USP7: variants seen among roughly 807,000 people sequenced by gnomAD.
USP7 encodes ubiquitin specific peptidase 7.
Under a neutral mutation model 162.9 loss-of-function variants are expected in USP7, and 9 were observed. The ratio of observed to expected loss-of-function variants is 0.06; its 90% CI spans 0.03 to 0.10. The LOEUF (loss-of-function observed/expected upper bound fraction) is 0.10, where lower values mean the gene tolerates loss of function less well. Ranked by LOEUF, USP7 falls within the 10% of genes least tolerant of loss-of-function variation. The pLI is 1.00. For synonymous variants in USP7, 562 were observed against 475.9 expected (o/e 1.18, Z -2.35); for missense variants, 715 against 1,373.7 (o/e 0.52, Z 7.58).
In USP7 at chr16:8,895,741, C is replaced by T; in HGVS notation, c.2820G>A (p.Arg940=). Residue 940 remains arginine (R), a splice_region_variant and synonymous_variant, in exon 27 of 31, where the codon AGG becomes AGA. Coordinates refer to ENST00000344836, the MANE Select transcript of USP7 (RefSeq NM_003470.3). The part of the protein sequence containing the change: ...ELGEKASGKL[R]LLEIVSYKII... ...TTTTGTAGCTTACAATTTCTAGCAG[C>T]CTGAACAGAGAGGAAAAAAAAATAG... is the stretch of plus-strand genomic sequence containing the variant. 1 of 1,606,706 alleles carries T rather than the reference C, an allele frequency of 6.2e-7. No individual in the cohort carries two copies. Among genetic ancestry groups the T allele is most frequent in the East Asian group, 2.2e-5 (1 of 44,842 alleles).
chr16:8,963,091 G>T lies in USP7; in HGVS notation c.79+116C>A, dbSNP rs545907874. 3 of 982,112 alleles carry T rather than the reference G, an allele frequency of 3.1e-6. No homozygotes were observed. The East Asian group carries it at 1.6e-4, about 52-fold the overall frequency. The allele number at this position is 982,112 out of a possible 1,614,324, so 60.8% of individuals were successfully genotyped here. A position where few individuals can be genotyped will look rare whatever the true frequency, so the allele number is the denominator to read the frequency against. On this transcript the variant is annotated intron_variant, in intron 1 of 30. Coordinates refer to ENST00000344836, the MANE Select transcript of USP7 (RefSeq NM_003470.3). ...GGGCCGGGAGGCCAGGCCGAGGCCC[G>T]GCGGCCGCCCGGGGCCTGGTTAAAG... is the stretch of plus-strand genomic sequence containing the variant.
At chr16:8,953,512 CGGTGCCACTGGAAGCAGAGGGAAGACA>C (rs879720205) in intron 1 of USP7, among the ~76,000 whole-genome samples, 4,547 of 150,966 alleles carry the variant, frequency 0.03, 190 homozygotes, top group Middle Eastern at 0.11. Context: ...GTGCCCCATG[CGGTGCCACTGGAAGCAGAGGGAAGACA>C]CGTGCCCCAT....
rs112935927 is a variant in USP7 at position 8,920,550 on chromosome 16, CT to C, written c.523-104del. 9.5e-4 allele frequency: 886 copies of C among 929,496 alleles called. 1 individual carries two copies. Among genetic ancestry groups the C allele is most frequent in the South Asian group, 2.5e-3 (131 of 52,230 alleles). 57.6% of individuals were successfully genotyped at this position (929,496 alleles called of 1,614,324 possible). On this transcript the variant is annotated intron_variant, in intron 4 of 30. Transcript: ENST00000344836. ...CCTGTACTTAATAGAGATGAAAATA[CT>C]TTTTTTTTAAATACATCCCAACTTT... is the stretch of plus-strand genomic sequence containing the variant.
chr16:8,933,810 C>A (rs1898524338), intron 1 of USP7, among the ~76,000 whole-genome samples: 1 of 150,492 alleles, frequency 6.6e-6, no homozygotes, highest in African/African-American at 2.5e-5. Context: ...GGCTGGAGTG[C>A]AGTGGTGTGA....
At chr16:8,901,358 A>C in intron 18 of USP7, 124 bp from the exon 19 acceptor site, 1 of 681,340 alleles carries the variant, frequency 1.5e-6, no homozygotes, top group Non-Finnish European at 2.5e-6. Context: ...CTCAATGACA[A>C]GTGAAATGAC....
intron 2 of USP7, among the ~76,000 whole-genome samples, chr16:8,925,388 C>A (rs1378571542): frequency 6.6e-6 from 1 of 152,172 alleles, no homozygotes; most frequent in Admixed American, 6.5e-5. Flanking sequence ...AAAATCACTG[C>A]AGGACCTAAA....
At chr16:8,902,533 G>T in intron 16 of USP7, 51 bp from the exon 17 acceptor site, 1 of 1,480,848 alleles carries the variant, frequency 6.8e-7, no homozygotes, top group Non-Finnish European at 9.3e-7. Flanking sequence ...TCATATTTTA[G>T]TCCTCTATAT....
chr16:8,894,990 A>G (rs372944160), intron 28 of USP7, 41 bp downstream of exon 28: 1 of 1,613,922 alleles, frequency 6.2e-7, no homozygotes, highest in South Asian at 1.1e-5. Context: ...CAAAGGCTCC[A>G]GGTTTTGACG....
chr16:8,907,733 G>A (rs931920930), intron 12 of USP7, among the ~76,000 whole-genome samples: 1 of 152,132 alleles, frequency 6.6e-6, no homozygotes, highest in Admixed American at 6.5e-5. Flanking sequence ...AGAATAGCTT[G>A]AGCCCAGCAG....
At position 8,895,169 on chromosome 16, in the gene USP7, G is replaced by C. The variant is rs973565682; in HGVS notation, c.2920-19C>G. The C allele has an allele frequency of 6.2e-7, 1 of 1,614,158 alleles. No individual in the cohort carries two copies. Among genetic ancestry groups the C allele is most frequent in the African/African-American group, 1.3e-5 (1 of 75,036 alleles). On this transcript the variant is annotated intron_variant, in intron 27 of 30. Coordinates refer to ENST00000344836, the MANE Select transcript of USP7 (RefSeq NM_003470.3). Reference sequence around the variant, plus strand: ...GGATTTCCTGGGGACACGGACAACAGACACAGTTCTGTAAGTGCAAGTGAT... The same window carrying C: ...GGATTTCCTGGGGACACGGACAACACACACAGTTCTGTAAGTGCAAGTGAT...
intron 1 of USP7, among the ~76,000 whole-genome samples, chr16:8,934,676 A>G (rs1898579022): frequency 6.6e-6 from 1 of 152,204 alleles, no homozygotes; most frequent in Non-Finnish European, 1.5e-5. Flanking sequence ...CCAAATTAAC[A>G]CATCTGAGTT....
At chr16:8,917,769 A>G (rs1897454107) in intron 6 of USP7, among the ~76,000 whole-genome samples, 1 of 152,122 alleles carries the variant, frequency 6.6e-6, no homozygotes, top group Non-Finnish European at 1.5e-5. Context: ...TTTCCTACTT[A>G]TTGGAGCACC....
At chr16:8,942,366 T>C (rs1299910847) in intron 1 of USP7, among the ~76,000 whole-genome samples, 1 of 152,192 alleles carries the variant, frequency 6.6e-6, no homozygotes, top group Non-Finnish European at 1.5e-5. Flanking sequence ...CAGTGGGGTC[T>C]GTCCCACCCT....
rs1056565310 is a variant in USP7 at position 8,922,324 on chromosome 16, A to G, written c.383+891T>C. ...GCCAACATGGTGAAACCCCGTCCCT[A>G]TGAAAAATACAAAATTAGCTGGGTG... On this transcript the variant is annotated intron_variant, in intron 3 of 30. Coordinates refer to ENST00000344836, the MANE Select transcript of USP7 (RefSeq NM_003470.3). Among the ~76,000 whole-genome samples, 5 of 152,202 alleles carry G rather than the reference A, an allele frequency of 3.3e-5. No homozygotes were observed. The East Asian group carries it at 9.6e-4, about 29-fold the overall frequency.
chr16:8,958,348 G>A (rs543447818), intron 1 of USP7, among the ~76,000 whole-genome samples: 1 of 152,300 alleles, frequency 6.6e-6, no homozygotes, highest in South Asian at 2.1e-4. Flanking sequence ...GCTGGGAACC[G>A]GCAGCACCAA....
At chr16:8,903,430 A>C in intron 15 of USP7, 28 bp from the exon 16 acceptor site, 1 of 1,605,172 alleles carries the variant, frequency 6.2e-7, no homozygotes, top group Non-Finnish European at 8.5e-7. Flanking sequence ...AGCACAGAAA[A>C]GACTTGACAA....
At chr16:8,945,441 A>G (rs1268653102) in intron 1 of USP7, among the ~76,000 whole-genome samples, 1 of 152,198 alleles carries the variant, frequency 6.6e-6, no homozygotes. Flanking sequence ...AGCAAAGGAA[A>G]TCTTGTTTTA....
At chr16:8,922,887 T>C (rs1160095402) in intron 3 of USP7, among the ~76,000 whole-genome samples, 3 of 152,210 alleles carry the variant, frequency 2.0e-5, no homozygotes, top group Non-Finnish European at 4.4e-5. Flanking sequence ...ATGGAAAGGA[T>C]GTCTGGCTCT....
At chr16:8,895,292 G>C in intron 27 of USP7, 142 bp from the exon 28 acceptor site, 2 of 1,314,144 alleles carry the variant, frequency 1.5e-6, no homozygotes, top group Non-Finnish European at 2.1e-6. Context: ...TCCAGCCAGA[G>C]TGATGGGCAC....
Sources: allele counts gnomAD v4.1 joint callset (sites outside exome capture counted in the v4.1 genomes callset), GRCh38; gene constraint gnomAD v4.1.1; transcripts MANE v1.5; gene names NCBI Gene and HGNC (gene_info 2026-07-23, HGNC 2026-07-21).